The following FXYD6 variants were observed in gnomAD, a reference collection of about 807,000 sequenced individuals.
FXYD6 encodes the protein FXYD domain-containing ion transport regulator 6.
FXYD6 carries 7 observed loss-of-function variants against 16.7 expected under a neutral mutation model. The ratio of observed to expected loss-of-function variants is 0.42; its 90% confidence interval spans 0.24 to 0.79. The LOEUF (loss-of-function observed/expected upper bound fraction) is 0.79, where lower values mean the gene tolerates loss of function less well. Among genes scored for constraint, FXYD6 ranks in the 30% least tolerant of loss-of-function variants. The pLI is 0.28. For missense variants in FXYD6, 111 were observed against 116.2 expected (o/e 0.95, Z 0.21); for synonymous variants, 49 against 43.0 (o/e 1.14, Z -0.54).
chr11:117,846,825 C>G (rs748251460), intron 1 of FXYD6, among the ~76,000 whole-genome samples: 22 of 152,108 alleles, frequency 1.4e-4, no homozygotes, highest in Non-Finnish European at 5.9e-5. Flanking sequence ...TTTTTCTCCT[C>G]TTCCCTCTCC....
chr11:117,848,200 T>C (rs2056518071), intron 1 of FXYD6, among the ~76,000 whole-genome samples: 3 of 152,212 alleles, frequency 2.0e-5, no homozygotes, highest in Admixed American at 6.5e-5. Context: ...ACAGTCTTAC[T>C]ACTGATTTTA....
chr11:117,849,929 C>A (rs995541892), intron 1 of FXYD6, among the ~76,000 whole-genome samples: 2 of 152,102 alleles, frequency 1.3e-5, no homozygotes, highest in African/African-American at 4.8e-5. Context: ...TTCAACTGGG[C>A]ATGTGCAAGT....
intron 1 of FXYD6, among the ~76,000 whole-genome samples, chr11:117,844,725 A>G (rs939047900): frequency 6.6e-6 from 1 of 152,146 alleles, no homozygotes; most frequent in Non-Finnish European, 1.5e-5. Context: ...TTCTGACCTC[A>G]GGTGATCCAC....
intron 1 of FXYD6, among the ~76,000 whole-genome samples, chr11:117,847,326 C>A (rs191129536): frequency 2.0e-5 from 3 of 151,706 alleles, no homozygotes; most frequent in Admixed American, 6.6e-5. Context: ...CTAATTCTCA[C>A]GCTGTTTATT....
At chr11:117,850,775 G>A (rs910497111) in intron 1 of FXYD6, among the ~76,000 whole-genome samples, 4 of 151,626 alleles carry the variant, frequency 2.6e-5, no homozygotes, top group African/African-American at 7.3e-5. Context: ...TTATAGGCAT[G>A]AGCCACTGCC....
chr11:117,853,859 G>A (rs1371963949), intron 1 of FXYD6, among the ~76,000 whole-genome samples: 5 of 152,022 alleles, frequency 3.3e-5, no homozygotes, highest in Admixed American at 2.6e-4. Flanking sequence ...GGAGAGTAAC[G>A]GTGACTTAAG....
Position 117,837,892 on chromosome 11 carries a change from A to C in FXYD6, c.*407T>G. The C allele has an allele frequency of 2.8e-6, 1 of 362,758 alleles. No individual in the cohort carries two copies. The highest frequency in any genetic ancestry group is 5.1e-6 in the Non-Finnish European group (1 of 195,472). The allele number at this position is 362,758 out of a possible 1,614,324, so 22.5% of individuals were successfully genotyped here. A position where few individuals can be genotyped will look rare whatever the true frequency, so the allele number is the denominator to read the frequency against. ...GCAACAAGCAGCCTCCTAGGAGCAGAAGGTGATGGAGGGCCACGGGGGCAG... is the reference window on the plus strand; with the variant it reads ...GCAACAAGCAGCCTCCTAGGAGCAGCAGGTGATGGAGGGCCACGGGGGCAG... On this transcript the variant is annotated 3_prime_UTR_variant, in exon 8 of 8. Transcript: ENST00000526014. This position sits in a 1 kb window ranked among gnomAD's most constrained non-coding sequence, Gnocchi z 4.4.
intron 1 of FXYD6, among the ~76,000 whole-genome samples, chr11:117,862,391 G>A (rs1478435438): frequency 2.0e-5 from 3 of 152,186 alleles, no homozygotes; most frequent in Admixed American, 6.5e-5. Context: ...TCACACAGAT[G>A]CACCTAAAAG....
chr11:117,858,687 CTTT>C lies in FXYD6; in HGVS notation c.-5-15909_-5-15907del, dbSNP rs2056811445. Among the ~76,000 whole-genome samples, 11 of 90,402 alleles carry C rather than the reference CTTT, an allele frequency of 1.2e-4. No homozygotes were observed. The East Asian group carries it at 2.8e-3, about 23-fold the overall frequency. 59.3% of individuals were successfully genotyped at this position (90,402 alleles called of 152,430 possible). Reference sequence around the variant, plus strand: ...TCTTTCTTTCTTTCTTTCTTTCTTTCTTTCTTTCTTTCTTTCTCTCTCTCTCTC... The same window carrying C: ...TCTTTCTTTCTTTCTTTCTTTCTTTCCTTTCTTTCTTTCTCTCTCTCTCTC... On this transcript the variant is annotated intron_variant, in intron 1 of 7. Transcript: ENST00000526014.
chr11:117,864,459 T>C (rs1006633220), intron 1 of FXYD6, among the ~76,000 whole-genome samples: 1 of 152,320 alleles, frequency 6.6e-6, no homozygotes, highest in Middle Eastern at 3.4e-3. Context: ...ATCCATGAGC[T>C]ACACGTAAAA....
At chr11:117,839,736 G>C (rs753323814) in intron 7 of FXYD6, 45 bp downstream of exon 7, 17 of 1,611,926 alleles carry the variant, frequency 1.1e-5, no homozygotes, top group Middle Eastern at 1.6e-4. Context: ...CCCTGATGCA[G>C]ACGGTGATGG....
chr11:117,873,127 G>GA (rs2057176311), intron 1 of FXYD6, among the ~76,000 whole-genome samples: 1 of 152,178 alleles, frequency 6.6e-6, no homozygotes, highest in African/African-American at 2.4e-5. Context: ...CAGCCCTAAA[G>GA]AAAAAAACTT....
intron 1 of FXYD6, among the ~76,000 whole-genome samples, chr11:117,863,190 A>G (rs1454292784): frequency 6.6e-6 from 1 of 152,154 alleles, no homozygotes; most frequent in African/African-American, 2.4e-5. Context: ...GGTGCCATGC[A>G]CCTTCCACTC....
intron 1 of FXYD6, chr11:117,844,165 G>C (rs961595892): frequency 6.6e-6 from 1 of 152,466 alleles, no homozygotes; most frequent in Non-Finnish European, 1.5e-5. Context: ...CGGCCACCAG[G>C]GGTCAGAACG....
intron 6 of FXYD6, 101 bp downstream of exon 6, chr11:117,840,218 T>G: frequency 6.6e-7 from 1 of 1,509,026 alleles, no homozygotes; most frequent in Non-Finnish European, 9.2e-7. Context: ...TGCGGGAGCA[T>G]GTCTGGCTGG....
chr11:117,838,206 T>C lies in FXYD6; in HGVS notation c.*93A>G, dbSNP rs776833958. ...CTTCTCCTGGGGAAAGGGCTGTTGCTGAAGTGGCCGGTTTTCTTAAGCATC... is the reference window on the plus strand; with the variant it reads ...CTTCTCCTGGGGAAAGGGCTGTTGCCGAAGTGGCCGGTTTTCTTAAGCATC... On this transcript the variant is annotated 3_prime_UTR_variant, in exon 8 of 8. Coordinates refer to ENST00000526014, the MANE Select transcript of FXYD6 (RefSeq NM_022003.4). 2 of 702,526 alleles carry C rather than the reference T, an allele frequency of 2.8e-6. No individual in the cohort carries two copies. The highest frequency in any genetic ancestry group is 3.0e-5 in the South Asian group (2 of 67,592). The allele number at this position is 702,526 out of a possible 1,614,324, so 43.5% of individuals were successfully genotyped here. A position where few individuals can be genotyped will look rare whatever the true frequency, so the allele number is the denominator to read the frequency against.
intron 1 of FXYD6, among the ~76,000 whole-genome samples, chr11:117,860,724 G>T (rs1815774): frequency 6.6e-6 from 1 of 152,062 alleles, no homozygotes; most frequent in African/African-American, 2.4e-5. Flanking sequence ...TGAGATAATA[G>T]GTGTGAAGGT....
At chr11:117,846,953 T>A (rs193195704) in intron 1 of FXYD6, among the ~76,000 whole-genome samples, 10 of 152,364 alleles carry the variant, frequency 6.6e-5, no homozygotes, top group African/African-American at 2.2e-4. Context: ...AATGGACCTA[T>A]CTATAGAACA....
Position 117,838,656 on chromosome 11 carries a change from A to G in FXYD6, c.*22-379T>C, listed in dbSNP as rs553187454. On this transcript the variant is annotated intron_variant, in intron 7 of 7. Transcript: ENST00000526014. ...ATTCTCAGTCTGTGATGAAATAGAC[A>G]GAACACCAAGCTACCAGGAAGGGCA... 3.0e-4 allele frequency: 71 copies of G among 234,820 alleles called. 1 individual carries two copies. The highest frequency in any genetic ancestry group is 1.5e-3 in the African/African-American group (67 of 44,872). 14.5% of individuals were successfully genotyped at this position (234,820 alleles called of 1,614,324 possible).
Sources: gnomAD v4.1 joint callset for allele counts (sites outside exome capture counted in the v4.1 genomes callset) on GRCh38, gnomAD v4.1.1 for gene constraint, Gnocchi (gnomAD v3.1) non-coding constraint, MANE v1.5 for transcripts, NCBI Gene and HGNC (gene_info 2026-07-23, HGNC 2026-07-21) for gene names.